TBC1D32: variants seen among roughly 807,000 people sequenced by gnomAD.
The protein encoded by TBC1D32 is TBC1 domain family member 32.
Under a neutral mutation model 170.3 loss-of-function variants are expected in TBC1D32, and 151 were observed. The ratio of observed to expected loss-of-function variants is 0.89; its 90% CI spans 0.78 to 1.01. TBC1D32 has a LOEUF of 1.01. Ranked by LOEUF, TBC1D32 falls within the 50% of genes least tolerant of loss-of-function variation. The pLI, the probability that TBC1D32 is intolerant of heterozygous loss-of-function variation, is 0.00. For missense variants in TBC1D32, 1,464 were observed against 1,457.1 expected (o/e 1.00, Z -0.08); for synonymous variants, 498 against 488.0 (o/e 1.02, Z -0.27).
chr6:121,332,705 C>T (rs1442218229), intron 1 of TBC1D32, among the ~76,000 whole-genome samples: 2 of 152,062 alleles, frequency 1.3e-5, no homozygotes, highest in Non-Finnish European at 2.9e-5. Context: ...GTTTACAAAA[C>T]ATTAATCACC....
chr6:121,186,590 T>C (rs149435266), intron 22 of TBC1D32, among the ~76,000 whole-genome samples: 225 of 152,172 alleles, frequency 1.5e-3, no homozygotes, highest in African/African-American at 5.3e-3. Context: ...TAACTAACCA[T>C]ATTTTAAACT....
At chr6:121,159,962 T>C (rs762518606) in intron 24 of TBC1D32, 48 bp downstream of exon 24, 12 of 1,334,700 alleles carry the variant, frequency 9.0e-6, no homozygotes, top group Admixed American at 3.5e-5. Context: ...TTTCAAATTA[T>C]AACAAAAGCT....
chr6:121,209,587 C>T (rs1792790150), intron 21 of TBC1D32, among the ~76,000 whole-genome samples: 1 of 152,136 alleles, frequency 6.6e-6, no homozygotes, highest in African/African-American at 2.4e-5. Flanking sequence ...ATTTGTCCTT[C>T]CTGTGTCTGG....
intron 26 of TBC1D32, among the ~76,000 whole-genome samples, chr6:121,117,270 T>C (rs1025053332): frequency 1.3e-5 from 2 of 152,282 alleles, no homozygotes; most frequent in African/African-American, 4.8e-5. Flanking sequence ...ACATCCATTT[T>C]AAAAAATCAC....
chr6:121,115,824 C>T (rs1262781179), intron 26 of TBC1D32: 1 of 152,170 alleles, frequency 6.6e-6, no homozygotes, highest in East Asian at 1.9e-4. Context: ...AATCACTTTT[C>T]ATTTATTTCT....
intron 12 of TBC1D32, among the ~76,000 whole-genome samples, chr6:121,285,618 C>A (rs1048641029): frequency 6.6e-6 from 1 of 152,038 alleles, no homozygotes; most frequent in African/African-American, 2.4e-5. Flanking sequence ...TCTGCATTTC[C>A]AACTGAGCCT....
intron 22 of TBC1D32, among the ~76,000 whole-genome samples, chr6:121,196,874 A>C (rs753660949): frequency 6.6e-6 from 1 of 152,150 alleles, no homozygotes; most frequent in Non-Finnish European, 1.5e-5. Flanking sequence ...GGAATTAAGG[A>C]GTAGAAGTGG....
chr6:121,200,485 G>A lies in TBC1D32; in HGVS notation c.2570+4590C>T, dbSNP rs767863075. On this transcript the variant is annotated intron_variant, in intron 22 of 31. Transcript: ENST00000398212. ...AACCTACTAAAAATGGTTAAGAAAA[G>A]TTTAAGCTGCTAAGCCTTGGGCAGT... Among the ~76,000 whole-genome samples the A allele has an allele frequency of 2.0e-5, 3 of 151,576 alleles. 1 individual carries two copies. The highest frequency in any genetic ancestry group is 4.9e-5 in the African/African-American group (2 of 40,904).
At chr6:121,134,106 G>A (rs189454483) in intron 24 of TBC1D32, among the ~76,000 whole-genome samples, 9 of 152,084 alleles carry the variant, frequency 5.9e-5, no homozygotes, top group Admixed American at 5.9e-4. Flanking sequence ...ATTACATATT[G>A]CCAAGAATAA....
intron 24 of TBC1D32, among the ~76,000 whole-genome samples, chr6:121,142,983 A>G (rs563485289): frequency 7.2e-5 from 11 of 152,028 alleles, no homozygotes; most frequent in Non-Finnish European, 1.3e-4. Context: ...TTTCCACCCA[A>G]TCTGCTTGCG....
intron 24 of TBC1D32, among the ~76,000 whole-genome samples, chr6:121,153,961 T>C (rs190855189): frequency 2.6e-5 from 4 of 151,316 alleles, no homozygotes; most frequent in Admixed American, 2.0e-4. Context: ...GCAAGACCAC[T>C]TGGATCCCTG....
At chr6:121,253,070 CA>C (rs1798504197) in intron 17 of TBC1D32, among the ~76,000 whole-genome samples, 1 of 151,924 alleles carries the variant, frequency 6.6e-6, no homozygotes, top group Admixed American at 6.6e-5. Context: ...ACTAAGACCT[CA>C]AAAGCAATTG....
chr6:121,198,192 ATATATATTT>A (rs1437139533), intron 22 of TBC1D32, among the ~76,000 whole-genome samples: 5 of 136,174 alleles, frequency 3.7e-5, no homozygotes, highest in Admixed American at 2.5e-4. Flanking sequence ...TTTGTGTATA[ATATATATTT>A]TATATATTAT....
chr6:121,291,396 A>G (rs1044415841), intron 12 of TBC1D32, among the ~76,000 whole-genome samples: 1 of 152,122 alleles, frequency 6.6e-6, no homozygotes, highest in Non-Finnish European at 1.5e-5. Flanking sequence ...ATGTGGTCAA[A>G]ACAGCCCAAA....
chr6:121,219,875 T>C (rs918054713), intron 21 of TBC1D32, among the ~76,000 whole-genome samples: 1 of 152,200 alleles, frequency 6.6e-6, no homozygotes, highest in Non-Finnish European at 1.5e-5. Context: ...CTTTTCATAA[T>C]TATTCCGTTA....
chr6:121,192,270 A>C (rs892210824), intron 22 of TBC1D32: 2 of 152,006 alleles, frequency 1.3e-5, no homozygotes, highest in African/African-American at 4.8e-5. Context: ...GAACACTGAT[A>C]TTCCTTGGCA....
intron 3 of TBC1D32, 123 bp downstream of exon 3, chr6:121,317,372 A>C: frequency 1.5e-6 from 1 of 649,538 alleles, no homozygotes; most frequent in Non-Finnish European, 2.4e-6. Context: ...TAGGTTATTT[A>C]GTTTTATTAT....
intron 12 of TBC1D32, among the ~76,000 whole-genome samples, chr6:121,289,120 T>A (rs1408800182): frequency 6.6e-6 from 1 of 152,100 alleles, no homozygotes; most frequent in African/African-American, 2.4e-5. Context: ...CTCTCACCAC[T>A]CCTATTCAAC....
intron 29 of TBC1D32, among the ~76,000 whole-genome samples, chr6:121,109,159 A>C (rs544686035): frequency 6.6e-6 from 1 of 152,306 alleles, no homozygotes; most frequent in South Asian, 2.1e-4. Context: ...CAAGTATGTC[A>C]TGCCATTCTA....
Sources: gnomAD v4.1 joint callset for allele counts (sites outside exome capture counted in the v4.1 genomes callset) on GRCh38, gnomAD v4.1.1 for gene constraint, MANE v1.5 for transcripts, NCBI Gene and HGNC (gene_info 2026-07-23, HGNC 2026-07-21) for gene names.